The following ESR1 variants were observed in gnomAD, a reference collection of about 807,000 sequenced individuals.
ESR1 encodes the protein estrogen receptor 1, also known as estrogen receptor.
ESR1 carries 12 observed loss-of-function variants against 52.7 expected under a neutral mutation model. The observed-to-expected ratio is 0.23, with a 90% CI of 0.15 to 0.37. The LOEUF (loss-of-function observed/expected upper bound fraction) is 0.37, where lower values mean the gene tolerates loss of function less well. Among genes scored for constraint, ESR1 ranks in the 10% least tolerant of loss-of-function variants. The pLI, the probability that ESR1 is intolerant of heterozygous loss-of-function variation, is 1.00. For synonymous variants in ESR1, 305 were observed against 316.8 expected (o/e 0.96, Z 0.39); for missense variants, 584 against 779.7 (o/e 0.75, Z 2.99).
intron 2 of ESR1, among the ~76,000 whole-genome samples, chr6:151,745,420 G>T (rs940267535): frequency 6.6e-6 from 1 of 152,128 alleles, no homozygotes; most frequent in Non-Finnish European, 1.5e-5. Flanking sequence ...CTATTGAAAT[G>T]ACTAGAGGAA....
intron 2 of ESR1, among the ~76,000 whole-genome samples, chr6:151,727,611 A>T (rs1243815685): frequency 6.6e-6 from 1 of 152,162 alleles, no homozygotes; most frequent in Non-Finnish European, 1.5e-5. Flanking sequence ...CTCAGCAAAA[A>T]TAGGAGCCAG....
intron 2 of ESR1, among the ~76,000 whole-genome samples, chr6:151,793,039 T>C (rs1168715387): frequency 1.3e-5 from 2 of 151,870 alleles, no homozygotes; most frequent in African/African-American, 2.4e-5. Flanking sequence ...GGCATGGTGG[T>C]GTGCACCTGC....
At chr6:151,762,541 G>A (rs1583172186) in intron 2 of ESR1, among the ~76,000 whole-genome samples, 2 of 152,064 alleles carry the variant, frequency 1.3e-5, no homozygotes, top group Admixed American at 6.6e-5. Flanking sequence ...TCACTTTTCT[G>A]TGCCACAAGT....
intron 1 of ESR1, among the ~76,000 whole-genome samples, chr6:151,669,620 C>T (rs1201837316): frequency 6.6e-6 from 1 of 152,062 alleles, no homozygotes; most frequent in Non-Finnish European, 1.5e-5. Flanking sequence ...GGGCAAGTTA[C>T]TATGTGGTCT....
At chr6:151,833,971 A>G (rs997669293) in intron 1 of ESR1, among the ~76,000 whole-genome samples, 4 of 152,354 alleles carry the variant, frequency 2.6e-5, no homozygotes, top group Admixed American at 6.5e-5. Flanking sequence ...TGGCCATTAG[A>G]GAAATGCAAA....
intron 2 of ESR1, among the ~76,000 whole-genome samples, chr6:151,852,882 A>G (rs749560175): frequency 6.6e-6 from 1 of 151,984 alleles, no homozygotes; most frequent in Non-Finnish European, 1.5e-5. Context: ...AACTTTTTAA[A>G]AGAAAGTCAT....
rs1279524809 is a variant in ESR1 at position 152,053,338 on chromosome 6, C to T, written c.1236-7653C>T. Among the ~76,000 whole-genome samples the T allele has an allele frequency of 6.6e-6, 1 of 152,152 alleles. No homozygotes were observed. Among genetic ancestry groups the T allele is most frequent in the African/African-American group, 2.4e-5 (1 of 41,440 alleles). ...CATTTGTCCTCTTGATTGGTTCCAC[C>T]TTGTCCTATCACGCTGGATATGCTG... On this transcript the variant is annotated intron_variant, in intron 5 of 7. Coordinates refer to ENST00000206249, the MANE Select transcript of ESR1 (RefSeq NM_000125.4). This position sits in a 1 kb window ranked among gnomAD's most constrained non-coding sequence, Gnocchi z 4.1.
chr6:151,678,758 C>G (rs1006436617), intron 1 of ESR1, among the ~76,000 whole-genome samples: 1 of 151,520 alleles, frequency 6.6e-6, no homozygotes, highest in African/African-American at 2.4e-5. Flanking sequence ...GCAATCTCAG[C>G]TCACTGCAAC....
intron 3 of ESR1, among the ~76,000 whole-genome samples, chr6:151,899,151 C>T (rs1429870333): frequency 1.7e-4 from 23 of 132,148 alleles, no homozygotes; most frequent in South Asian, 4.9e-4. Context: ...CCCTCCCGGA[C>T]GGGGCGGCTG....
chr6:151,673,504 G>A (rs1463985294), intron 1 of ESR1, among the ~76,000 whole-genome samples: 2 of 152,128 alleles, frequency 1.3e-5, no homozygotes, highest in East Asian at 3.9e-4. Context: ...CAATTTTGCT[G>A]TCATCATGTA....
rs567376316 is a variant in ESR1 at position 152,122,458 on chromosome 6, G to T, written c.851-2808G>T. 1.4e-5 allele frequency: 23 copies of T among 1,614,044 alleles called. No homozygotes were observed. The highest frequency in any genetic ancestry group is 5.0e-5 in the Admixed American group (3 of 60,012). On this transcript the variant is annotated intron_variant, in intron 6 of 6. Transcript: ENST00000427531. ...AGTTCAGAGTGGAGGAGGGCCATTC[G>T]TGTATCTGAGCATGGGGTGGAATGA...
intron 5 of ESR1, among the ~76,000 whole-genome samples, chr6:152,015,352 C>T (rs987132551): frequency 6.6e-6 from 1 of 152,182 alleles, no homozygotes; most frequent in African/African-American, 2.4e-5. Flanking sequence ...TCCTCTTCAG[C>T]CTTTATATAT....
At chr6:152,066,534 C>T (rs1272634927) in intron 6 of ESR1, among the ~76,000 whole-genome samples, 1 of 152,192 alleles carries the variant, frequency 6.6e-6, no homozygotes, top group Non-Finnish European at 1.5e-5. Context: ...ATTCTGTTCT[C>T]TCTGGAGTCC....
chr6:151,792,431 T>TA (rs1163693249), intron 2 of ESR1, among the ~76,000 whole-genome samples: 1 of 152,124 alleles, frequency 6.6e-6, no homozygotes, highest in East Asian at 1.9e-4. Context: ...TTTTTTTTTT[T>TA]ACTTTATAAA....
intron 3 of ESR1, among the ~76,000 whole-genome samples, chr6:151,937,328 C>T (rs2034483309): frequency 6.6e-6 from 1 of 152,164 alleles, no homozygotes; most frequent in Non-Finnish European, 1.5e-5. Flanking sequence ...CTGGTAGCCC[C>T]ATAGAACTGC....
chr6:151,671,809 T>C (rs1412660436), intron 1 of ESR1, among the ~76,000 whole-genome samples: 2 of 151,986 alleles, frequency 1.3e-5, no homozygotes, highest in African/African-American at 2.4e-5. Context: ...CTGGCCAACA[T>C]AGTGAAACCT....
chr6:151,779,477 T>C (rs886925466), intron 2 of ESR1, among the ~76,000 whole-genome samples: 14 of 152,182 alleles, frequency 9.2e-5, no homozygotes, highest in African/African-American at 3.4e-4. Flanking sequence ...CACAATGAGA[T>C]ACTATCTCAC....
At position 152,061,049 on chromosome 6, in the gene ESR1, T is replaced by G; in HGVS notation, c.1294T>G (p.Ser432Ala). The G allele has an allele frequency of 6.2e-7, 1 of 1,613,348 alleles. No individual in the cohort carries two copies. Among genetic ancestry groups the G allele is most frequent in the Non-Finnish European group, 8.5e-7 (1 of 1,179,472 alleles). The change falls in exon 6 of 8, where the codon TCA (serine) becomes GCA (alanine). Residue 432 changes from serine (S) to alanine (A), a missense_variant. Transcript: ENST00000206249. The surrounding 1 kb of genome is among the most constrained non-coding windows in gnomAD (Gnocchi z 4.3). ...VEIFDMLLATSSRFRMMNLQG... is the reference protein window; with the variant it reads ...VEIFDMLLATASRFRMMNLQG... ...GATCTTCGACATGCTGCTGGCTACA[T>G]CATCTCGGTTCCGCATGATGAATCT...
At chr6:151,701,638 A>G (rs554663463) in intron 1 of ESR1, among the ~76,000 whole-genome samples, 5 of 152,244 alleles carry the variant, frequency 3.3e-5, no homozygotes, top group South Asian at 2.1e-4. Context: ...ATACTTGCCA[A>G]TGGCATCAGT....
Sources: allele counts gnomAD v4.1 joint callset (sites outside exome capture counted in the v4.1 genomes callset), GRCh38; gene constraint gnomAD v4.1.1; non-coding constraint Gnocchi (gnomAD v3.1); transcripts MANE v1.5; gene names NCBI Gene and HGNC (gene_info 2026-07-23, HGNC 2026-07-21).